The following DYNLT3 variants were observed in gnomAD, a reference collection of about 807,000 sequenced individuals.
DYNLT3 encodes the protein dynein light chain Tctex-type 3.
A neutral mutation model predicts 11.0 loss-of-function variants in DYNLT3; 4 were observed. That is an observed-to-expected ratio of 0.36 (90% confidence interval 0.18 to 0.83). DYNLT3 has a LOEUF of 0.83. Ranked by LOEUF, DYNLT3 falls within the 40% of genes least tolerant of loss-of-function variation. The probability of loss-of-function intolerance (pLI) is 0.47; values close to 1 mark genes in which losing one functional copy is unlikely to be tolerated. For synonymous variants in DYNLT3, 37 were observed against 31.2 expected (o/e 1.18, Z -0.61); for missense variants, 91 against 91.1 (o/e 1.00, Z 0.01).
chrX:37,847,183 C>A, intron 1 of DYNLT3: 1 of 1,101,187 alleles, frequency 9.1e-7, no homozygotes, highest in Non-Finnish European at 1.2e-6. Context: ...AGGGCGGCGC[C>A]CGTCACCCCA....
intron 2 of DYNLT3, among the ~76,000 whole-genome samples, chrX:37,843,941 G>T (rs1930219066): frequency 9.0e-6 from 1 of 111,675 alleles, no homozygotes; most frequent in South Asian, 3.8e-4. Flanking sequence ...TGGCAGAAGA[G>T]GGTTGGTTCA....
intron 1 of DYNLT3, 61 bp from the exon 2 acceptor site, chrX:37,846,419 C>T: frequency 9.0e-7 from 1 of 1,113,695 alleles, no homozygotes; most frequent in African/African-American, 1.8e-5. Context: ...TGACGCTACA[C>T]AGAATATCCT....
At chrX:37,841,673 C>A (rs1930162596) in intron 3 of DYNLT3, 109 bp downstream of exon 3, 2 of 838,768 alleles carry the variant, frequency 2.4e-6, no homozygotes, top group Non-Finnish European at 3.1e-6. Context: ...CCTTTATACC[C>A]TTTTAGTATC....
In DYNLT3 at chrX:37,840,755, C is replaced by CACACAA. The variant is rs1569481814; in HGVS notation, c.275-105_275-104insTTGTGT. 2.0e-4 allele frequency: 44 copies of CACACAA among 218,341 alleles called. No individual in the cohort carries two copies. In the African/African-American group the frequency reaches 3.2e-3, roughly 16 times the overall value. The allele number at this position is 218,341 out of a possible 1,213,427, so 18.0% of individuals were successfully genotyped here. A position where few individuals can be genotyped will look rare whatever the true frequency, so the allele number is the denominator to read the frequency against. ...ACACACACACACACACACATATACA[C>CACACAA]ACACACACACACACACACACACACA... is the stretch of plus-strand genomic sequence containing the variant. On this transcript the variant is annotated intron_variant, in intron 4 of 4. Coordinates refer to ENST00000378578, the MANE Select transcript of DYNLT3 (RefSeq NM_006520.3).
intron 3 of DYNLT3, among the ~76,000 whole-genome samples, chrX:37,841,325 G>T (rs1026013532): frequency 4.5e-5 from 5 of 112,128 alleles, no homozygotes; most frequent in African/African-American, 1.6e-4. Flanking sequence ...GGATTCAGTT[G>T]GTTTTCTGAC....
chrX:37,841,517 G>A (rs1305054289), intron 3 of DYNLT3, among the ~76,000 whole-genome samples: 4 of 111,418 alleles, frequency 3.6e-5, no homozygotes, highest in Admixed American at 1.9e-4. Context: ...TGAGCTAAGG[G>A]GGGGTCTCAG....
intron 2 of DYNLT3, among the ~76,000 whole-genome samples, chrX:37,842,160 G>T (rs772328092): frequency 9.0e-6 from 1 of 111,323 alleles, no homozygotes; most frequent in Non-Finnish European, 1.9e-5. Flanking sequence ...ATATGTCATG[G>T]CTTCTGTGTA....
chrX:37,844,452 T>C (rs1381721355), intron 2 of DYNLT3, among the ~76,000 whole-genome samples: 2 of 112,438 alleles, frequency 1.8e-5, no homozygotes, highest in African/African-American at 6.5e-5. Context: ...TCCTGATTTA[T>C]GAATTATAGG....
chrX:37,847,339 G>A (rs1930284960), intron 1 of DYNLT3, 142 bp downstream of exon 1: 35 of 905,721 alleles, frequency 3.9e-5, no homozygotes, highest in Non-Finnish European at 4.9e-5. Flanking sequence ...GGCGGATCCC[G>A]GGCCCAGGGG....
At chrX:37,842,330 G>A (rs1279589666) in intron 2 of DYNLT3, among the ~76,000 whole-genome samples, 2 of 111,290 alleles carry the variant, frequency 1.8e-5, no homozygotes, top group Non-Finnish European at 3.8e-5. Flanking sequence ...TTTGAACTAG[G>A]GCTCACATGC....
intron 2 of DYNLT3, among the ~76,000 whole-genome samples, chrX:37,845,215 A>T (rs941081280): frequency 1.8e-5 from 2 of 111,986 alleles, no homozygotes; most frequent in Non-Finnish European, 3.8e-5. Context: ...ATAATTAAAT[A>T]CTCTCAGGCT....
At chrX:37,847,104 C>T (rs1930280735) in intron 1 of DYNLT3, 2 of 1,161,199 alleles carry the variant, frequency 1.7e-6, no homozygotes, top group African/African-American at 1.8e-5. Context: ...GGCTGCAGCA[C>T]CCGCGCTGAG....
In DYNLT3 at chrX:37,847,467, C is replaced by A; in HGVS notation, c.30+14G>T. The stretch of plus-strand genomic sequence containing the variant: ...GGGAGTGGGGGGCGCTCCCAGGTAG[C>A]CAAGGGGCGGTACCTCGTCGCAGTG... On this transcript the variant is annotated intron_variant, in intron 1 of 4. Transcript: ENST00000378578. 9.9e-7 allele frequency: 1 copy of A among 1,006,641 alleles called. No individual in the cohort carries two copies. The allele number at this position is 1,006,641 out of a possible 1,213,427, so 83.0% of individuals were successfully genotyped here.
At chrX:37,841,307 A>G (rs1930153318) in intron 3 of DYNLT3, among the ~76,000 whole-genome samples, 1 of 112,155 alleles carries the variant, frequency 8.9e-6, no homozygotes, top group East Asian at 2.8e-4. Flanking sequence ...CATGATTTTG[A>G]CCCCACTGGA....
At chrX:37,840,926 C>T in intron 4 of DYNLT3, 102 bp downstream of exon 4, 1 of 878,998 alleles carries the variant, frequency 1.1e-6, no homozygotes, top group Non-Finnish European at 1.6e-6. Flanking sequence ...TGTTGATAGT[C>T]TTTTCAGAAT....
intron 4 of DYNLT3, 118 bp from the exon 5 acceptor site, chrX:37,840,769 C>CATATACACACACAA (rs1930135110): frequency 2.8e-6 from 1 of 356,675 alleles, no homozygotes; most frequent in Non-Finnish European, 4.6e-6. Flanking sequence ...CACACACACA[C>CATATACACACACAA]ACACACACAC....
At chrX:37,842,332 C>A (rs1446399764) in intron 2 of DYNLT3, among the ~76,000 whole-genome samples, 1 of 111,674 alleles carries the variant, frequency 9.0e-6, no homozygotes, top group East Asian at 2.8e-4. Flanking sequence ...TGAACTAGGG[C>A]TCACATGCTA....
chrX:37,842,355 G>A (rs1163685010), intron 2 of DYNLT3, among the ~76,000 whole-genome samples: 1 of 111,292 alleles, frequency 9.0e-6, no homozygotes, highest in East Asian at 2.8e-4. Context: ...AACAGGATGG[G>A]ACTAATTTAA....
intron 3 of DYNLT3, 126 bp from the exon 4 acceptor site, chrX:37,841,231 C>T: frequency 2.0e-6 from 1 of 498,397 alleles, no homozygotes; most frequent in Non-Finnish European, 3.2e-6. Flanking sequence ...AAACAAAAAA[C>T]AGAAAACAAA....
Sources: allele counts gnomAD v4.1 joint callset (sites outside exome capture counted in the v4.1 genomes callset), GRCh38; gene constraint gnomAD v4.1.1; transcripts MANE v1.5; gene names NCBI Gene and HGNC (gene_info 2026-07-23, HGNC 2026-07-21).